Variants in DGKH observed in about 807,000 individuals in gnomAD.
The protein encoded by DGKH is DAG kinase eta.
DGKH carries 90 observed loss-of-function variants against 159.3 expected under a neutral mutation model. The observed-to-expected ratio is 0.57, with a 90% CI of 0.48 to 0.67. DGKH has a LOEUF of 0.67. Among genes scored for constraint, DGKH ranks in the 30% least tolerant of loss-of-function variants. The probability of loss-of-function intolerance (pLI) is 0.00; values close to 1 mark genes in which losing one functional copy is unlikely to be tolerated. For synonymous variants in DGKH, 536 were observed against 553.8 expected, an observed-to-expected ratio of 0.97 and a Z score of 0.45; for missense variants, 1,181 against 1,506.1, an observed-to-expected ratio of 0.78 and a Z score of 3.57.
chr13:42,123,968 A>T (rs1955124024), intron 1 of DGKH, among the ~76,000 whole-genome samples: 2 of 152,186 alleles, frequency 1.3e-5, no homozygotes, highest in African/African-American at 2.4e-5. Flanking sequence ...TAGTGGTTTC[A>T]TGGCCATATT....
At position 42,237,739 on chromosome 13, in the gene DGKH, A is replaced by T. The variant is rs931300188; in HGVS notation, c.*8551A>T. 1.6e-4 allele frequency: 24 copies of T among 152,216 alleles called. No individual in the cohort carries two copies. The highest frequency in any genetic ancestry group is 5.8e-4 in the East Asian group (3 of 5,200). The allele number at this position is 152,216 out of a possible 1,614,324, so 9.4% of individuals were successfully genotyped here. A position where few individuals can be genotyped will look rare whatever the true frequency, so the allele number is the denominator to read the frequency against. On this transcript the variant is annotated 3_prime_UTR_variant, in exon 30 of 30. Transcript: ENST00000337343. ...TTTGATGGAGTCCACACAAGGGTTT[A>T]TGATGTGGGGCAAATATCTGTGCTT...
At chr13:42,245,362 G>A (rs1323171404), downstream of DGKH, among the ~76,000 whole-genome samples, 1 of 152,172 alleles carries the variant, frequency 6.6e-6, no homozygotes, top group Non-Finnish European at 1.5e-5. Flanking sequence ...CATGTGGTAT[G>A]TGCACATTAT....
chr13:42,243,750 A>T (rs891224509), downstream of DGKH, among the ~76,000 whole-genome samples: 2 of 152,148 alleles, frequency 1.3e-5, no homozygotes, highest in Admixed American at 1.3e-4. Context: ...GGCAAGCAGC[A>T]TGGAGGGTAA....
chr13:42,207,354 T>A (rs1195142677), intron 21 of DGKH, among the ~76,000 whole-genome samples: 3 of 151,276 alleles, frequency 2.0e-5, no homozygotes, highest in Non-Finnish European at 4.4e-5. Context: ...CACACCTGGC[T>A]AATTTTTGCA....
chr13:42,130,090 T>C (rs1955257710), intron 3 of DGKH, among the ~76,000 whole-genome samples: 1 of 152,250 alleles, frequency 6.6e-6, no homozygotes, highest in Non-Finnish European at 1.5e-5. Flanking sequence ...TTCCAGTTTC[T>C]TCTTTTCTGA....
intron 16 of DGKH, among the ~76,000 whole-genome samples, chr13:42,194,227 A>G (rs777242973): frequency 3.0e-4 from 46 of 152,064 alleles, no homozygotes; most frequent in Admixed American, 1.4e-3. Flanking sequence ...GCAACCTCAA[A>G]CTCCTGGGCT....
chr13:42,110,865 A>C (rs911263474), intron 1 of DGKH, among the ~76,000 whole-genome samples: 1 of 152,232 alleles, frequency 6.6e-6, no homozygotes, highest in Non-Finnish European at 1.5e-5. Context: ...TACGTTATAA[A>C]GCCATATACT....
At chr13:42,209,095 G>C in intron 22 of DGKH, 23 bp downstream of exon 22, 1 of 1,593,826 alleles carries the variant, frequency 6.3e-7, no homozygotes, top group South Asian at 1.1e-5. Flanking sequence ...CGTCAAACCT[G>C]ACTGCACTTC....
chr13:42,128,835 T>C (rs896865678), intron 2 of DGKH, among the ~76,000 whole-genome samples: 29 of 152,178 alleles, frequency 1.9e-4, no homozygotes, highest in African/African-American at 5.1e-4. Context: ...AGTAGACTAG[T>C]TCTACAGTCT....
At chr13:42,127,694 A>G (rs1188838767) in intron 2 of DGKH, 121 bp downstream of exon 2, 4 of 716,154 alleles carry the variant, frequency 5.6e-6, no homozygotes, top group Non-Finnish European at 9.5e-6. Context: ...TATGAATTCA[A>G]TATAAATGTG....
chr13:42,061,988 G>GGTGTGTGTGTGTGTGTGTGT (rs60863220), intron 1 of DGKH, among the ~76,000 whole-genome samples: 7 of 149,786 alleles, frequency 4.7e-5, no homozygotes, highest in South Asian at 4.3e-4. Context: ...TGTGTGTGTG[G>GGTGTGTGTGTGTGTGTGTGT]GTGTGTGTGT....
intron 13 of DGKH, chr13:42,181,619 C>T (rs1334807348): frequency 3.2e-6 from 1 of 312,532 alleles, no homozygotes; most frequent in Non-Finnish European, 6.9e-6. Flanking sequence ...CCAGAGGCTC[C>T]TGGTAAGTGA....
intron 13 of DGKH, 147 bp downstream of exon 13, chr13:42,178,367 T>C: frequency 1.7e-6 from 1 of 576,062 alleles, no homozygotes. Context: ...TTTGAATTGA[T>C]TTTTAAAAAT....
chr13:42,163,132 T>G (rs9594689), intron 7 of DGKH, among the ~76,000 whole-genome samples: 51,525 of 148,754 alleles, frequency 0.35, 9,889 homozygotes, highest in East Asian at 0.51. Flanking sequence ...TTGTCCTTGC[T>G]ATAGTTTACT....
rs1424687932 is a variant in DGKH at position 42,232,803 on chromosome 13, T to C, written c.*3615T>C. On this transcript the variant is annotated 3_prime_UTR_variant, in exon 30 of 30. Transcript: ENST00000337343. ...ATGTCTAGATCTATCCTGTCCAATA[T>C]TGTAGCTACATGTGGCTATCTAAAT... 3 of 152,226 alleles carry C rather than the reference T, an allele frequency of 2.0e-5. No homozygotes were observed. The highest frequency in any genetic ancestry group is 4.4e-5 in the Non-Finnish European group (3 of 68,046). 9.4% of individuals were successfully genotyped at this position (152,226 alleles called of 1,614,324 possible).
chr13:42,049,289 T>C (rs1288841210), intron 1 of DGKH, among the ~76,000 whole-genome samples: 1 of 151,856 alleles, frequency 6.6e-6, no homozygotes, highest in Non-Finnish European at 1.5e-5. Context: ...GGAGTTCGAC[T>C]GGCAGAGGCG....
chr13:42,088,133 A>T lies in DGKH; in HGVS notation c.192+39168A>T, dbSNP rs1594010108. Among the ~76,000 whole-genome samples the T allele has an allele frequency of 2.0e-5, 3 of 152,336 alleles. No homozygotes were observed. The Middle Eastern group carries it at 0.01, about 518-fold the overall frequency. On this transcript the variant is annotated intron_variant, in intron 1 of 29. Transcript: ENST00000337343. ...AGAGCGACAGTTTTAAATGGCTAAA[A>T]GAAAAAACCATCAACCTAGAATTAT...
intron 1 of DGKH, among the ~76,000 whole-genome samples, chr13:42,120,776 T>C (rs536728719): frequency 2.0e-4 from 30 of 151,884 alleles, no homozygotes; most frequent in African/African-American, 7.3e-4. Context: ...CGAAAGTTCA[T>C]GAACCCTCTA....
chr13:42,196,497 A>G (rs1957207076), intron 17 of DGKH, among the ~76,000 whole-genome samples: 1 of 152,254 alleles, frequency 6.6e-6, no homozygotes, highest in Admixed American at 6.5e-5. Flanking sequence ...CATGCTATAT[A>G]GAAACACTAT....
Sources: gnomAD v4.1 joint callset for allele counts (sites outside exome capture counted in the v4.1 genomes callset) on GRCh38, gnomAD v4.1.1 for gene constraint, MANE v1.5 for transcripts, NCBI Gene and HGNC (gene_info 2026-07-23, HGNC 2026-07-21) for gene names.